Variants in MCM9 observed in about 807,000 individuals in gnomAD.
MCM9 encodes the protein minichromosome maintenance 9 homologous recombination repair factor.
A neutral mutation model predicts 72.8 loss-of-function variants in MCM9; 55 were observed. The observed-to-expected ratio is 0.76, with a 90% CI of 0.61 to 0.95. MCM9 has a LOEUF of 0.95. MCM9 is among the 40% of genes least tolerant of loss of function. The probability of loss-of-function intolerance (pLI) is 0.00; values close to 1 mark genes in which losing one functional copy is unlikely to be tolerated. For missense variants in MCM9, 1,279 were observed against 1,377.0 expected (o/e 0.93, Z 1.13); for synonymous variants, 480 against 503.4 (o/e 0.95, Z 0.62).
intron 8 of MCM9, chr6:118,893,967 C>T (rs1276624054): frequency 1.1e-6 from 1 of 933,240 alleles, no homozygotes; most frequent in Middle Eastern, 5.8e-4. Flanking sequence ...CCCCCTCCGC[C>T]CCTCTCCGCG....
intron 8 of MCM9, among the ~76,000 whole-genome samples, chr6:118,860,747 C>T (rs1776848381): frequency 6.6e-6 from 1 of 152,166 alleles, no homozygotes; most frequent in Non-Finnish European, 1.5e-5. Context: ...GAGCAGTGGT[C>T]CCCAGCCTTT....
intron 3 of MCM9, among the ~76,000 whole-genome samples, chr6:118,927,652 A>G (rs1252617601): frequency 6.6e-6 from 1 of 152,082 alleles, no homozygotes; most frequent in Non-Finnish European, 1.5e-5. Flanking sequence ...TAGATTTTCA[A>G]TGTGATGAAG....
At chr6:118,840,795 T>C (rs1775313866) in intron 9 of MCM9, among the ~76,000 whole-genome samples, 1 of 131,566 alleles carries the variant, frequency 7.6e-6, no homozygotes, top group Non-Finnish European at 1.6e-5. Flanking sequence ...TGGAGTACAG[T>C]GGTGCAATCA....
At chr6:118,930,077 T>C (rs1042938928) in intron 3 of MCM9, among the ~76,000 whole-genome samples, 6 of 145,674 alleles carry the variant, frequency 4.1e-5, no homozygotes, top group Non-Finnish European at 7.5e-5. Context: ...AAATGTACTA[T>C]AAGGTAAATA....
chr6:118,893,810 T>C (rs1460673579), intron 8 of MCM9, among the ~76,000 whole-genome samples: 54 of 150,008 alleles, frequency 3.6e-4, no homozygotes, highest in African/African-American at 1.3e-3. Flanking sequence ...GTTGCACTGA[T>C]GTAAAAAGAG....
chr6:118,935,136 C>G lies in MCM9; in HGVS notation c.-395G>C, dbSNP rs369620337. 7.9e-5 allele frequency: 12 copies of G among 152,360 alleles called. No individual in the cohort carries two copies. The East Asian group carries it at 2.1e-3, about 27-fold the overall frequency. 9.4% of individuals were successfully genotyped at this position (152,360 alleles called of 1,614,324 possible). On this transcript the variant is annotated 5_prime_UTR_variant, in exon 1 of 14. Coordinates refer to ENST00000619706, the MANE Select transcript of MCM9 (RefSeq NM_017696.3). Reference sequence around the variant, plus strand: ...CCGGGCCGCGCACCGCCTCAACTTCCCTGCCCCGGCGGCTCTTCCGGATGG... The same window carrying G: ...CCGGGCCGCGCACCGCCTCAACTTCGCTGCCCCGGCGGCTCTTCCGGATGG...
At chr6:118,917,430 T>C (rs1185959251) in intron 6 of MCM9, 131 bp downstream of exon 6, 1 of 853,878 alleles carries the variant, frequency 1.2e-6, no homozygotes. Context: ...CTAGAGGTAA[T>C]GACTAATCCT....
Position 118,888,613 on chromosome 6 carries a change from C to T in MCM9, c.1150+23037G>A, listed in dbSNP as rs186721884. ...ATGAAAACATTTGTCCCATCCCATGCAAAAATTTGTACACATATGTTAATA... is the reference window on the plus strand; with the variant it reads ...ATGAAAACATTTGTCCCATCCCATGTAAAAATTTGTACACATATGTTAATA... On this transcript the variant is annotated intron_variant, in intron 8 of 13. Transcript: ENST00000619706. 2.6e-5 allele frequency among the ~76,000 whole-genome samples: 4 copies of T among 152,158 alleles called. No individual in the cohort carries two copies. In the East Asian group the frequency reaches 7.7e-4, roughly 29 times the overall value.
intron 8 of MCM9, among the ~76,000 whole-genome samples, chr6:118,866,862 C>T (rs1440847450): frequency 6.6e-6 from 1 of 152,114 alleles, no homozygotes; most frequent in African/African-American, 2.4e-5. Flanking sequence ...CCAAAGAAAC[C>T]TATGCCAAGA....
chr6:118,914,280 A>G (rs1483363871), intron 6 of MCM9, among the ~76,000 whole-genome samples: 1 of 152,204 alleles, frequency 6.6e-6, no homozygotes, highest in Non-Finnish European at 1.5e-5. Flanking sequence ...TGTTTTCAGA[A>G]ATAACGCACC....
chr6:118,868,736 G>A (rs965345961), intron 8 of MCM9, among the ~76,000 whole-genome samples: 8 of 152,310 alleles, frequency 5.3e-5, no homozygotes, highest in South Asian at 2.1e-4. Flanking sequence ...ACGCCAGCTA[G>A]AATGGCAATC....
intron 8 of MCM9, among the ~76,000 whole-genome samples, chr6:118,909,933 A>T (rs1363188107): frequency 6.6e-6 from 1 of 152,110 alleles, no homozygotes; most frequent in African/African-American, 2.4e-5. Context: ...CCTGGCCAAC[A>T]TGGTGAAACC....
chr6:118,866,827 C>T (rs1175879471), intron 8 of MCM9, among the ~76,000 whole-genome samples: 1 of 151,958 alleles, frequency 6.6e-6, no homozygotes, highest in Non-Finnish European at 1.5e-5. Flanking sequence ...GACAGGAAGC[C>T]CAAACAATAC....
chr6:118,917,860 TTACTA>T, intron 5 of MCM9, 99 bp from the exon 6 acceptor site: 4 of 981,802 alleles, frequency 4.1e-6, no homozygotes, highest in Non-Finnish European at 6.3e-6. Flanking sequence ...AACCACTCCC[TTACTA>T]GAGTTTACAA....
intron 8 of MCM9, chr6:118,893,955 C>G (rs1308571499): frequency 1.1e-6 from 1 of 950,208 alleles, no homozygotes; most frequent in Non-Finnish European, 1.3e-6. Flanking sequence ...GCCGCGGCCA[C>G]GCCCCCTCCG....
At position 118,866,676 on chromosome 6, in the gene MCM9, G is replaced by A. The variant is rs1777238859; in HGVS notation, c.1151-10131C>T. Among the ~76,000 whole-genome samples the A allele has an allele frequency of 2.0e-5, 3 of 152,150 alleles. No individual in the cohort carries two copies. The South Asian group carries it at 6.2e-4, about 32-fold the overall frequency. On this transcript the variant is annotated intron_variant, in intron 8 of 13. Coordinates refer to ENST00000619706, the MANE Select transcript of MCM9 (RefSeq NM_017696.3). ...AAAAGAAAAAGTGAAGGTAGCTCAAGCAATTTATGGGGCACCATCAGGTAA... is the reference window on the plus strand; with the variant it reads ...AAAAGAAAAAGTGAAGGTAGCTCAAACAATTTATGGGGCACCATCAGGTAA...
At chr6:118,840,982 C>G (rs1775326132) in intron 9 of MCM9, among the ~76,000 whole-genome samples, 1 of 152,134 alleles carries the variant, frequency 6.6e-6, no homozygotes, top group Non-Finnish European at 1.5e-5. Flanking sequence ...CAATCCTCCC[C>G]ATCCCTGCCC....
chr6:118,823,243 C>T (rs1359995466), intron 13 of MCM9, among the ~76,000 whole-genome samples: 1 of 152,116 alleles, frequency 6.6e-6, no homozygotes, highest in Non-Finnish European at 1.5e-5. Context: ...GGTGTAGGCT[C>T]ATGAGGGAAT....
At chr6:118,909,494 T>C (rs1031221885) in intron 8 of MCM9, among the ~76,000 whole-genome samples, 4 of 152,216 alleles carry the variant, frequency 2.6e-5, no homozygotes, top group African/African-American at 7.2e-5. Context: ...AAGTTTTTTT[T>C]CCACCCGGTC....
Sources: allele counts gnomAD v4.1 joint callset (sites outside exome capture counted in the v4.1 genomes callset), GRCh38; gene constraint gnomAD v4.1.1; transcripts MANE v1.5; gene names NCBI Gene and HGNC (gene_info 2026-07-23, HGNC 2026-07-21).